The following NCEH1 variants were observed in gnomAD, a reference collection of about 807,000 sequenced individuals.
NCEH1 encodes neutral cholesterol ester hydrolase 1.
A neutral mutation model predicts 25.4 loss-of-function variants in NCEH1; 9 were observed. The ratio of observed to expected loss-of-function variants is 0.35; its 90% CI spans 0.21 to 0.62. NCEH1 has a LOEUF of 0.62. Among genes scored for constraint, NCEH1 ranks in the 20% least tolerant of loss-of-function variants. The probability of loss-of-function intolerance (pLI) is 0.72; values close to 1 mark genes in which losing one functional copy is unlikely to be tolerated. For missense variants in NCEH1, 412 were observed against 501.1 expected (o/e 0.82, Z 1.70); for synonymous variants, 200 against 199.8 (o/e 1.00, Z -0.01).
intron 1 of NCEH1, among the ~76,000 whole-genome samples, chr3:172,652,544 T>C (rs969239797): frequency 6.6e-6 from 1 of 152,090 alleles, no homozygotes; most frequent in Admixed American, 6.6e-5. Flanking sequence ...AAGCAAACAG[T>C]GATGAGTGGG....
intron 1 of NCEH1, among the ~76,000 whole-genome samples, chr3:172,684,339 T>G (rs1166876244): frequency 6.6e-6 from 1 of 152,244 alleles, no homozygotes; most frequent in Non-Finnish European, 1.5e-5. Context: ...TGCATTAGTA[T>G]GTCTTAGAGT....
chr3:172,669,821 G>A (rs1158725358), intron 1 of NCEH1, among the ~76,000 whole-genome samples: 1 of 152,220 alleles, frequency 6.6e-6, no homozygotes, highest in East Asian at 1.9e-4. Flanking sequence ...ACAGGTGTGA[G>A]CCACTGTGTC....
chr3:172,674,899 A>C (rs865885419), intron 1 of NCEH1, among the ~76,000 whole-genome samples: 24 of 152,258 alleles, frequency 1.6e-4, no homozygotes, highest in South Asian at 6.2e-4. Flanking sequence ...ACGGATAAAA[A>C]GCAAACATAG....
chr3:172,644,552 G>C (rs1293410750), intron 3 of NCEH1, among the ~76,000 whole-genome samples: 5 of 152,194 alleles, frequency 3.3e-5, no homozygotes, highest in Non-Finnish European at 7.3e-5. Context: ...GGAACTATCT[G>C]ACTTATTCCC....
chr3:172,710,199 C>A (rs551833544), intron 1 of NCEH1, among the ~76,000 whole-genome samples: 8 of 152,190 alleles, frequency 5.3e-5, no homozygotes, highest in Non-Finnish European at 8.8e-5. Flanking sequence ...TCATGCAAAC[C>A]AGGGCTGCCG....
intron 1 of NCEH1, among the ~76,000 whole-genome samples, chr3:172,652,509 C>A (rs1009544077): frequency 2.0e-5 from 3 of 152,200 alleles, no homozygotes; most frequent in Non-Finnish European, 2.9e-5. Flanking sequence ...TGCCTCAGCA[C>A]TGTATAAGAT....
intron 3 of NCEH1, among the ~76,000 whole-genome samples, chr3:172,641,056 A>G (rs2108491453): frequency 6.6e-6 from 1 of 152,192 alleles, no homozygotes; most frequent in South Asian, 2.1e-4. Flanking sequence ...CCAAAACTGC[A>G]CCATTGCACT....
At chr3:172,690,650 A>T (rs1239387699) in intron 1 of NCEH1, among the ~76,000 whole-genome samples, 2 of 152,232 alleles carry the variant, frequency 1.3e-5, no homozygotes, top group Admixed American at 1.3e-4. Flanking sequence ...AAGTAACTAA[A>T]CAGTCTAAAT....
At chr3:172,673,209 T>C (rs1711746775) in intron 1 of NCEH1, among the ~76,000 whole-genome samples, 1 of 152,188 alleles carries the variant, frequency 6.6e-6, no homozygotes, top group South Asian at 2.1e-4. Context: ...GGAGGACCTA[T>C]TTACAAATGC....
chr3:172,639,330 C>T (rs1716745155), intron 3 of NCEH1, among the ~76,000 whole-genome samples: 1 of 149,956 alleles, frequency 6.7e-6, no homozygotes, highest in Non-Finnish European at 1.5e-5. Context: ...ACTTTGTAGA[C>T]TGAAGAATAT....
intron 1 of NCEH1, among the ~76,000 whole-genome samples, chr3:172,652,277 T>G (rs1262932047): frequency 6.6e-6 from 1 of 152,256 alleles, no homozygotes; most frequent in Non-Finnish European, 1.5e-5. Context: ...GTCTTGCAGA[T>G]GGACCTAAGA....
At chr3:172,661,148 G>T (rs1169207165) in intron 1 of NCEH1, among the ~76,000 whole-genome samples, 1 of 152,100 alleles carries the variant, frequency 6.6e-6, no homozygotes, top group Admixed American at 6.5e-5. Flanking sequence ...ATTAATTTTT[G>T]TATAACATGT....
chr3:172,710,804 C>T (rs774277944), intron 1 of NCEH1, 43 bp downstream of exon 1: 1 of 1,606,112 alleles, frequency 6.2e-7, no homozygotes, highest in Admixed American at 1.7e-5. Context: ...TCAAATATTG[C>T]GTAAGAGGAG....
intron 1 of NCEH1, among the ~76,000 whole-genome samples, chr3:172,669,825 CT>C (rs1312430181): frequency 9.9e-5 from 15 of 152,220 alleles, no homozygotes; most frequent in African/African-American, 3.6e-4. Context: ...GTGTGAGCCA[CT>C]GTGTCCAGCT....
At chr3:172,635,539 A>G (rs1027295729) in intron 4 of NCEH1, among the ~76,000 whole-genome samples, 2 of 152,200 alleles carry the variant, frequency 1.3e-5, no homozygotes, top group Non-Finnish European at 2.9e-5. Context: ...ATTTGGCTCA[A>G]AGTTGTAAGG....
chr3:172,706,737 G>A (rs970950094), intron 1 of NCEH1, among the ~76,000 whole-genome samples: 4 of 151,884 alleles, frequency 2.6e-5, no homozygotes, highest in Non-Finnish European at 5.9e-5. Flanking sequence ...CTGACCTCAG[G>A]TAACCCGCCC....
At chr3:172,658,348 C>T (rs551092526) in intron 1 of NCEH1, among the ~76,000 whole-genome samples, 42 of 152,314 alleles carry the variant, frequency 2.8e-4, no homozygotes, top group African/African-American at 9.9e-4. Context: ...GGTGGATCGC[C>T]ATCTGGCTAG....
At chr3:172,694,473 A>C (rs1005677710) in intron 1 of NCEH1, among the ~76,000 whole-genome samples, 1 of 152,062 alleles carries the variant, frequency 6.6e-6, no homozygotes, top group African/African-American at 2.4e-5. Context: ...CTCCACCTTG[A>C]ATTTTAATCA....
chr3:172,708,321 A>G (rs1289627975), intron 1 of NCEH1, among the ~76,000 whole-genome samples: 1 of 152,258 alleles, frequency 6.6e-6, no homozygotes, highest in African/African-American at 2.4e-5. Context: ...AACTAAAATT[A>G]TCTGAGTAAC....
Sources: allele counts gnomAD v4.1 joint callset (sites outside exome capture counted in the v4.1 genomes callset), GRCh38; gene constraint gnomAD v4.1.1; transcripts MANE v1.5; gene names NCBI Gene and HGNC (gene_info 2026-07-23, HGNC 2026-07-21).